DMD: variants seen among roughly 807,000 people sequenced by gnomAD.
The protein encoded by DMD is mutant dystrophin.
A neutral mutation model predicts 330.1 loss-of-function variants in DMD; 63 were observed. That is an observed-to-expected ratio of 0.19 (90% CI 0.16 to 0.24). The LOEUF is 0.24. Among genes scored for constraint, DMD ranks in the 10% least tolerant of loss-of-function variants. The pLI, the probability that DMD is intolerant of heterozygous loss-of-function variation, is 1.00. For synonymous variants in DMD, 1,223 were observed against 959.8 expected (o/e 1.27, Z -5.07); for missense variants, 3,344 against 2,684.1 (o/e 1.25, Z -5.43).
chrX:32,669,245 TA>T (rs2061491505), intron 9 of DMD, among the ~76,000 whole-genome samples: 1 of 111,650 alleles, frequency 9.0e-6, no homozygotes, highest in Admixed American at 9.6e-5. Flanking sequence ...CACTTATACT[TA>T]AAAATCCCTC....
In DMD at chrX:32,607,951, T is replaced by A. The variant is rs115061341; in HGVS notation, c.1482+6352A>T. 4.4e-3 allele frequency among the ~76,000 whole-genome samples: 484 copies of A among 109,017 alleles called. 3 individuals carry two copies. The highest frequency in any genetic ancestry group is 0.015 in the African/African-American group (456 of 30,209). The allele number at this position is 109,017 out of a possible 115,157, so 94.7% of individuals were successfully genotyped here. ...TTTCCTTTAAACACCATTGGAGAGG[T>A]CAGTGTCTTCTCATGAGGAAGTATT... On this transcript the variant is annotated intron_variant, in intron 12 of 78. Transcript: ENST00000357033.
At chrX:32,605,168 A>G (rs1381470482) in intron 12 of DMD, among the ~76,000 whole-genome samples, 1 of 111,404 alleles carries the variant, frequency 9.0e-6, no homozygotes, top group African/African-American at 3.2e-5. Flanking sequence ...GGCTACAGTA[A>G]CCAAAACAGT....
chrX:31,466,905 T>C (rs1393562426), intron 59 of DMD, among the ~76,000 whole-genome samples: 1 of 111,591 alleles, frequency 9.0e-6, no homozygotes, highest in Non-Finnish European at 1.9e-5. Flanking sequence ...TATTCCTAGG[T>C]ATTTTATTCT....
At chrX:32,019,763 A>T (rs1370313739) in intron 44 of DMD, among the ~76,000 whole-genome samples, 1 of 112,535 alleles carries the variant, frequency 8.9e-6, no homozygotes, top group Non-Finnish European at 1.9e-5. Context: ...TGACGCTGTC[A>T]TTCTACTTTT....
Position 32,925,486 on chromosome X carries a change from T to C in DMD, c.94-75666A>G, listed in dbSNP as rs191411303. Reference sequence around the variant, plus strand: ...TCACGCACTTTCAGAAGTCCTTAACTTTTGGGCCCCTCAAGTAACTGGACT... The same window carrying C: ...TCACGCACTTTCAGAAGTCCTTAACCTTTGGGCCCCTCAAGTAACTGGACT... On this transcript the variant is annotated intron_variant, in intron 2 of 78. Transcript: ENST00000357033. 4.5e-5 allele frequency among the ~76,000 whole-genome samples: 5 copies of C among 110,613 alleles called. No individual in the cohort carries two copies. In the East Asian group the frequency reaches 1.4e-3, roughly 31 times the overall value.
intron 61 of DMD, among the ~76,000 whole-genome samples, chrX:31,341,919 A>ACG (rs1491476321): frequency 9.1e-6 from 1 of 109,382 alleles, no homozygotes; most frequent in Non-Finnish European, 1.9e-5. Flanking sequence ...ACACACACAC[A>ACG]CGCATGTACA....
chrX:32,407,368 TA>T (rs930930810), intron 30 of DMD, among the ~76,000 whole-genome samples: 1 of 111,072 alleles, frequency 9.0e-6, no homozygotes, highest in Admixed American at 9.6e-5. Flanking sequence ...AAAAGACACA[TA>T]AAAAAATGCT....
rs147751003 is a variant in DMD at position 32,936,504 on chromosome X, A to G, written c.93+83635T>C. On this transcript the variant is annotated intron_variant, in intron 2 of 78. Coordinates refer to ENST00000357033, the MANE Select transcript of DMD (RefSeq NM_004006.3). ...TCATTTTCATTCACCATGAGTTACT[A>G]CTACTCCTGAAACCTTCACAAAGTT... Among the ~76,000 whole-genome samples the G allele has an allele frequency of 7.1e-4, 79 of 111,644 alleles. No homozygotes were observed. In the East Asian group the frequency reaches 0.021, roughly 30 times the overall value.
intron 2 of DMD, among the ~76,000 whole-genome samples, chrX:32,963,111 A>G (rs2091970632): frequency 8.9e-6 from 1 of 111,791 alleles, no homozygotes; most frequent in Non-Finnish European, 1.9e-5. Context: ...ACATACACAC[A>G]TATACACGCA....
Position 32,911,586 on chromosome X carries a change from T to G in DMD, c.94-61766A>C, listed in dbSNP as rs772953162. Among the ~76,000 whole-genome samples, 387 of 111,809 alleles carry G rather than the reference T, an allele frequency of 3.5e-3. 4 individuals are homozygous for G. Among genetic ancestry groups the G allele is most frequent in the Non-Finnish European group, 5.6e-3 (296 of 53,211 alleles). On this transcript the variant is annotated intron_variant, in intron 2 of 78. Coordinates refer to ENST00000357033, the MANE Select transcript of DMD (RefSeq NM_004006.3). The stretch of plus-strand genomic sequence containing the variant: ...CTAAACAATTGTCTGCATTTAAAAC[T>G]TGCCAATGGAACCATGAAAAAATGC...
Position 31,209,623 on chromosome X carries a change from A to G in DMD, c.9438T>C (p.Asp3146=). The G allele has an allele frequency of 8.3e-7, 1 of 1,211,780 alleles. No homozygotes were observed. The highest frequency in any genetic ancestry group is 1.1e-6 in the Non-Finnish European group (1 of 895,423). ...TCAAACAATTAATAATCTGCAGGATATCCATGGGCTGGTCATTTTGCTTGA... is the reference window on the plus strand; with the variant it reads ...TCAAACAATTAATAATCTGCAGGATGTCCATGGGCTGGTCATTTTGCTTGA... ...HNLKQNDQPM[D]ILQIINCLTT... is the part of the protein sequence containing the mutation. The change falls in exon 65 of 79, where the codon GAT becomes GAC. Residue 3146 remains aspartate, a synonymous_variant. Coordinates refer to ENST00000357033, the MANE Select transcript of DMD (RefSeq NM_004006.3).
chrX:32,637,644 C>A (rs1016641930), intron 11 of DMD, among the ~76,000 whole-genome samples: 2 of 111,639 alleles, frequency 1.8e-5, no homozygotes, highest in African/African-American at 6.5e-5. Flanking sequence ...TTCGGCATGG[C>A]TGGGGAGGCC....
intron 17 of DMD, among the ~76,000 whole-genome samples, chrX:32,531,098 G>A (rs897088547): frequency 2.7e-5 from 3 of 111,036 alleles, no homozygotes; most frequent in African/African-American, 3.3e-5. Context: ...AAATTTTCAT[G>A]GAAGTTTTAC....
At chrX:32,735,608 G>A (rs1213163499) in intron 7 of DMD, among the ~76,000 whole-genome samples, 25 of 110,719 alleles carry the variant, frequency 2.3e-4, no homozygotes, top group South Asian at 3.9e-4. Context: ...CAGAAATAAC[G>A]CCGCATATCT....
intron 55 of DMD, among the ~76,000 whole-genome samples, chrX:31,586,562 T>C (rs2076620018): frequency 8.9e-6 from 1 of 112,596 alleles, no homozygotes; most frequent in Non-Finnish European, 1.9e-5. Flanking sequence ...TGTTGCCCTT[T>C]AAAAAGCTTC....
At chrX:32,674,825 C>A (rs2061863931) in intron 9 of DMD, among the ~76,000 whole-genome samples, 1 of 111,266 alleles carries the variant, frequency 9.0e-6, no homozygotes, top group Non-Finnish European at 1.9e-5. Flanking sequence ...AAAGACTTCT[C>A]CTTAAATCCA....
At chrX:32,841,036 T>G (rs1261318622) in intron 4 of DMD, among the ~76,000 whole-genome samples, 4 of 111,941 alleles carry the variant, frequency 3.6e-5, no homozygotes, top group Non-Finnish European at 7.5e-5. Context: ...TTCCAGTTGA[T>G]CCATGTCCTC....
intron 2 of DMD, among the ~76,000 whole-genome samples, chrX:32,938,249 G>A (rs139988184): frequency 9.0e-6 from 1 of 111,298 alleles, no homozygotes; most frequent in Non-Finnish European, 1.9e-5. Context: ...ATATGAAAAG[G>A]GTTATCGAAT....
chrX:31,981,668 A>G lies in DMD; in HGVS notation c.6439-13154T>C, dbSNP rs769114578. 2.7e-5 allele frequency among the ~76,000 whole-genome samples: 3 copies of G among 111,587 alleles called. No individual in the cohort carries two copies. In the South Asian group the frequency reaches 1.1e-3, roughly 42 times the overall value. On this transcript the variant is annotated intron_variant, in intron 44 of 78. Coordinates refer to ENST00000357033, the MANE Select transcript of DMD (RefSeq NM_004006.3). Reference sequence around the variant, plus strand: ...TAGGGATAGAGACGACACAGAAAGCAGCAGTGTGCAGCTCCTTTTGCTTGT... The same window carrying G: ...TAGGGATAGAGACGACACAGAAAGCGGCAGTGTGCAGCTCCTTTTGCTTGT...
Sources: gnomAD v4.1 joint callset for allele counts (sites outside exome capture counted in the v4.1 genomes callset) on GRCh38, gnomAD v4.1.1 for gene constraint, MANE v1.5 for transcripts, NCBI Gene and HGNC (gene_info 2026-07-23, HGNC 2026-07-21) for gene names.